DPYSL3: variants seen among roughly 807,000 people sequenced by gnomAD.
The protein encoded by DPYSL3 is dihydropyrimidinase-related protein 3.
A neutral mutation model predicts 66.1 loss-of-function variants in DPYSL3; 16 were observed. The ratio of observed to expected loss-of-function variants is 0.24; its 90% CI spans 0.16 to 0.37. DPYSL3 has a LOEUF of 0.37. Among genes scored for constraint, DPYSL3 ranks in the 10% least tolerant of loss-of-function variants. The pLI, the probability that DPYSL3 is intolerant of heterozygous loss-of-function variation, is 1.00. For missense variants in DPYSL3, 738 were observed against 916.2 expected (o/e 0.81, Z 2.51); for synonymous variants, 338 against 345.1 (o/e 0.98, Z 0.23).
chr5:147,395,628 C>G lies in DPYSL3; in HGVS notation c.1897G>C (p.Ala633Pro). The change falls in exon 13 of 14, where the codon GCT (alanine) becomes CCT (proline). Residue 633 changes from alanine (A) to proline (P), a missense_variant. Transcript: ENST00000343218. ...TPKGGTPAGS[A>P]RGSPTRPNPP... ...TTCGGCCGAGTAGGAGAGCCCCGAG[C>G]AGAGCCTGCGGGGGTGCCACCTTTG... 1 of 1,614,122 alleles carries G rather than the reference C, an allele frequency of 6.2e-7. No individual in the cohort carries two copies. The highest frequency in any genetic ancestry group is 8.5e-7 in the Non-Finnish European group (1 of 1,180,040).
chr5:147,427,799 T>C (rs1443781948), intron 1 of DPYSL3, among the ~76,000 whole-genome samples: 1 of 152,156 alleles, frequency 6.6e-6, no homozygotes, highest in East Asian at 1.9e-4. Flanking sequence ...AGGAACTTCA[T>C]AATAATAACA....
At chr5:147,431,060 T>G (rs948675958) in intron 1 of DPYSL3, among the ~76,000 whole-genome samples, 1 of 152,232 alleles carries the variant, frequency 6.6e-6, no homozygotes, top group African/African-American at 2.4e-5. Flanking sequence ...AAGGTGCAGG[T>G]GGTTATTTAA....
At chr5:147,453,737 C>A in intron 1 of DPYSL3, 10 of 1,313,844 alleles carry the variant, frequency 7.6e-6, no homozygotes, top group Non-Finnish European at 9.7e-6. Flanking sequence ...CCGCCCCCCT[C>A]CCGGGCTCCC....
chr5:147,394,337 C>G (rs1403952467), intron 13 of DPYSL3, among the ~76,000 whole-genome samples: 1 of 152,176 alleles, frequency 6.6e-6, no homozygotes, highest in Admixed American at 6.5e-5. Context: ...AAGCCAAGTT[C>G]TTATCTAGAT....
rs1156650987 is a variant in DPYSL3, at chr5:147,509,532, C to G, written c.327G>C (p.Glu109Asp). The G allele has an allele frequency of 4.6e-6, 7 of 1,534,416 alleles. No homozygotes were observed. Among genetic ancestry groups the G allele is most frequent in the African/African-American group, 2.7e-5 (2 of 73,002 alleles). ...CCTCTTTGCCGGTGGCGCTCCGGAT[C>G]TCTACCCCGGCGGGGGCGGGGGAGG... ...APASPAPAGV[E>D]IRSATGKEVL... The change falls in exon 1 of 14, where the codon GAG (glutamate) becomes GAC (aspartate). Residue 109 changes from glutamate (E) to aspartate (D), a missense_variant. Physicochemically the swap from Glu to Asp is conservative, Grantham distance 45. Transcript: ENST00000343218. This position sits in a 1 kb window ranked among gnomAD's most constrained non-coding sequence, Gnocchi z 5.3.
rs533658316 is a variant in DPYSL3, at chr5:147,394,194, A to G, written c.1967-71T>C. On this transcript the variant is annotated intron_variant, in intron 13 of 13. Transcript: ENST00000343218. The stretch of plus-strand genomic sequence containing the variant: ...GCGGGTAGGGGGATGTGGGCAAGAG[A>G]GAAACTGGGTTAATTTTAAGAGTGC... The G allele has an allele frequency of 6.7e-6, 10 of 1,496,646 alleles. No homozygotes were observed. In the Admixed American group the frequency reaches 1.2e-4, roughly 18 times the overall value. The allele number at this position is 1,496,646 out of a possible 1,614,324, so 92.7% of individuals were successfully genotyped here.
chr5:147,437,541 A>G (rs1752434776), intron 1 of DPYSL3, among the ~76,000 whole-genome samples: 2 of 152,224 alleles, frequency 1.3e-5, no homozygotes, highest in Non-Finnish European at 2.9e-5. Context: ...CAAGTCTAAC[A>G]GAACACTCAG....
chr5:147,396,256 C>T (rs1757967369), intron 12 of DPYSL3, among the ~76,000 whole-genome samples: 1 of 152,174 alleles, frequency 6.6e-6, no homozygotes, highest in Admixed American at 6.5e-5. Context: ...TGTGGTCTGA[C>T]CCACTGACCT....
At position 147,400,755 on chromosome 5, in the gene DPYSL3, T is replaced by C. The variant is rs745361456; in HGVS notation, c.1389A>G (p.Thr463=). Residue 463 remains threonine (T), a synonymous_variant, in exon 10 of 14, where the codon ACA becomes ACG. Transcript: ENST00000343218. The stretch of plus-strand genomic sequence containing the variant: ...CACCATTGGTGCCCTCAGGAATGGC[T>C]GTGAAGTTGTCCTTCCCAATTGCTT... The part of the protein sequence containing the change: ...AQKAIGKDNF[T]AIPEGTNGVE... 5.0e-6 allele frequency: 8 copies of C among 1,614,108 alleles called. No individual in the cohort carries two copies. Among genetic ancestry groups the C allele is most frequent in the African/African-American group, 1.3e-5 (1 of 74,946 alleles).
At chr5:147,499,512 A>C (rs959590960) in intron 1 of DPYSL3, among the ~76,000 whole-genome samples, 3 of 152,194 alleles carry the variant, frequency 2.0e-5, no homozygotes, top group Non-Finnish European at 4.4e-5. Flanking sequence ...AAAGTGTGAG[A>C]TCCATATGGG....
Position 147,406,705 on chromosome 5 carries a change from T to C in DPYSL3, c.1033-975A>G, listed in dbSNP as rs1758332109. ...TCTCAACTTGTGTAAGTTAGTCCAA[T>C]TCAGCACAGAGCAGAGACTTTGACA... is the stretch of plus-strand genomic sequence containing the variant. On this transcript the variant is annotated intron_variant, in intron 7 of 13. Coordinates refer to ENST00000343218, the MANE Select transcript of DPYSL3 (RefSeq NM_001197294.2). 2.0e-5 allele frequency among the ~76,000 whole-genome samples: 3 copies of C among 152,338 alleles called. No individual in the cohort carries two copies. The South Asian group carries it at 6.2e-4, about 32-fold the overall frequency.
In DPYSL3 at chr5:147,418,557, C is replaced by T. The variant is rs750296589; in HGVS notation, c.545G>A (p.Gly182Glu). ...GAAGTGAGTATGGACATCGATGCCT[C>T]CAGGGATCACCATCTTCCCATTGGC... ...IEANGKMVIPGGIDVHTHFQM... is the reference protein window; with the variant it reads ...IEANGKMVIPEGIDVHTHFQM... Residue 182 changes from glycine (G) to glutamate (E), a missense_variant, in exon 3 of 14, where the codon GGA becomes GAA. Transcript: ENST00000343218. 1 of 1,613,168 alleles carries T rather than the reference C, an allele frequency of 6.2e-7. No homozygotes were observed. The highest frequency in any genetic ancestry group is 1.1e-5 in the South Asian group (1 of 90,782).
intron 4 of DPYSL3, among the ~76,000 whole-genome samples, chr5:147,414,637 G>A (rs991808429): frequency 2.0e-5 from 3 of 152,228 alleles, no homozygotes; most frequent in African/African-American, 7.2e-5. Flanking sequence ...AAAGAAGTGA[G>A]TGTTAAAGCC....
intron 1 of DPYSL3, among the ~76,000 whole-genome samples, chr5:147,438,096 G>A (rs534433025): frequency 2.6e-5 from 4 of 152,242 alleles, no homozygotes; most frequent in South Asian, 2.1e-4. Context: ...GGAAGAGTTC[G>A]CTCTTTTTTT....
At chr5:147,453,012 G>A (rs1340273492) in intron 1 of DPYSL3, among the ~76,000 whole-genome samples, 2 of 151,958 alleles carry the variant, frequency 1.3e-5, no homozygotes, top group Middle Eastern at 3.2e-3. Context: ...CTGAACGCAG[G>A]CAAGAAGGGG....
chr5:147,437,134 G>C (rs1488369608), intron 1 of DPYSL3, among the ~76,000 whole-genome samples: 2 of 152,194 alleles, frequency 1.3e-5, no homozygotes, highest in South Asian at 4.1e-4. Context: ...CTTTCCAAGA[G>C]GCTGTGCCGT....
At chr5:147,425,342 T>C (rs1361259478) in intron 1 of DPYSL3, among the ~76,000 whole-genome samples, 1 of 152,214 alleles carries the variant, frequency 6.6e-6, no homozygotes, top group South Asian at 2.1e-4. Flanking sequence ...TAGTACTCTG[T>C]TGACACTCAA....
chr5:147,402,512 T>C (rs1758221158), intron 8 of DPYSL3, among the ~76,000 whole-genome samples: 2 of 147,662 alleles, frequency 1.4e-5, no homozygotes, highest in South Asian at 2.1e-4. Flanking sequence ...CACGCCCGGC[T>C]AATTTTTTGT....
chr5:147,402,583 G>A (rs898389545), intron 8 of DPYSL3, among the ~76,000 whole-genome samples: 16 of 136,100 alleles, frequency 1.2e-4, no homozygotes, highest in Admixed American at 6.8e-4. Context: ...TCCTGACCTC[G>A]TGATCCGCCC....
Sources: gnomAD v4.1 joint callset for allele counts (sites outside exome capture counted in the v4.1 genomes callset) on GRCh38, gnomAD v4.1.1 for gene constraint, Gnocchi (gnomAD v3.1) non-coding constraint, MANE v1.5 for transcripts, NCBI Gene and HGNC (gene_info 2026-07-23, HGNC 2026-07-21) for gene names.